TMIGD3: variants seen among roughly 807,000 people sequenced by gnomAD.
TMIGD3 encodes AD026 protein (AD026).
A neutral mutation model predicts 28.1 loss-of-function variants in TMIGD3; 21 were observed. The observed-to-expected ratio is 0.75, with a 90% confidence interval of 0.53 to 1.08. The LOEUF is 1.08. Among genes scored for constraint, TMIGD3 ranks in the 50% least tolerant of loss-of-function variants. The pLI is 0.00. For synonymous variants in TMIGD3, 151 were observed against 162.1 expected, an observed-to-expected ratio of 0.93 and a Z score of 0.52; for missense variants, 416 against 435.6, an observed-to-expected ratio of 0.96 and a Z score of 0.40.
intron 5 of TMIGD3, 27 bp downstream of exon 5, chr1:111,485,713 C>G: frequency 9.4e-7 from 1 of 1,060,300 alleles, no homozygotes; most frequent in Non-Finnish European, 1.4e-6. Flanking sequence ...TTCTTGCCCA[C>G]CCCCTCCCTC....
At chr1:111,549,384 C>T (rs568187260) in intron 1 of TMIGD3, among the ~76,000 whole-genome samples, 14 of 148,776 alleles carry the variant, frequency 9.4e-5, no homozygotes, top group Admixed American at 2.0e-4. Context: ...CACGGTGGCT[C>T]ACGCTTGTAA....
upstream of TMIGD3, among the ~76,000 whole-genome samples, chr1:111,506,450 T>A (rs2100989250): frequency 6.6e-6 from 1 of 152,284 alleles, no homozygotes; most frequent in South Asian, 2.1e-4. Flanking sequence ...ATACTACCAT[T>A]ATGCTGAGCA....
Position 111,488,978 on chromosome 1 carries a change from G to T in TMIGD3, c.504C>A (p.Asp168Glu), listed in dbSNP as rs1383425339. The change falls in exon 3 of 6, where the codon GAC becomes GAA. Residue 168 changes from aspartate to glutamate, a missense_variant. Asp to Glu is a conservative substitution (Grantham distance 45). Transcript: ENST00000369716. ...DEKVKRSFVL[D>E]TASAICNYNA... ...TGTAGTTGCAGATGGCAGAAGCCGT[G>T]TCCAGCACAAAGCTTCTCTTGACCT... 1.9e-6 allele frequency: 3 copies of T among 1,614,132 alleles called. No homozygotes were observed. Among genetic ancestry groups the T allele is most frequent in the Non-Finnish European group, 2.5e-6 (3 of 1,179,996 alleles).
At chr1:111,514,218 CA>C (rs1447022757) in intron 1 of TMIGD3, among the ~76,000 whole-genome samples, 34 of 152,066 alleles carry the variant, frequency 2.2e-4, no homozygotes, top group African/African-American at 7.5e-4. Flanking sequence ...GAGATGATGA[CA>C]AAGGCCCAAA....
At chr1:111,495,397 T>C (rs1266126263) in intron 1 of TMIGD3, among the ~76,000 whole-genome samples, 1 of 151,926 alleles carries the variant, frequency 6.6e-6, no homozygotes, top group Non-Finnish European at 1.5e-5. Context: ...GAAATGCAAA[T>C]CAAAATCAAA....
rs1557824565 is a variant in TMIGD3, at chr1:111,502,395, TAC to T, written c.350+608_350+609del. Among the ~76,000 whole-genome samples the T allele has an allele frequency of 2.5e-3, 331 of 133,672 alleles. 9 individuals are homozygous for T. The highest frequency in any genetic ancestry group is 4.0e-3 in the East Asian group (19 of 4,722). 87.7% of individuals were successfully genotyped at this position (133,672 alleles called of 152,430 possible). A position where few individuals can be genotyped will look rare whatever the true frequency, so the allele number is the denominator to read the frequency against. Reference sequence around the variant, plus strand: ...TTTATTATAATGAATATATATAGGATACATATATTTATTATAGTGAATATATA... The same window carrying T: ...TTTATTATAATGAATATATATAGGATATATATTTATTATAGTGAATATATA... On this transcript the variant is annotated intron_variant, in intron 1 of 5. Transcript: ENST00000369716.
At chr1:111,499,913 T>C (rs1339127016) in intron 1 of TMIGD3, 1 of 1,600,762 alleles carries the variant, frequency 6.2e-7, no homozygotes, top group Admixed American at 1.7e-5. Flanking sequence ...ATGGGGAATC[T>C]GAAGGTCAAT....
At chr1:111,517,345 A>G (rs1427784759) in intron 1 of TMIGD3, among the ~76,000 whole-genome samples, 4 of 152,120 alleles carry the variant, frequency 2.6e-5, no homozygotes, top group African/African-American at 9.7e-5. Context: ...GAAAAAAAAA[A>G]AAAGCGAGGA....
intron 1 of TMIGD3, among the ~76,000 whole-genome samples, chr1:111,547,233 C>A (rs966836986): frequency 4.0e-5 from 6 of 151,888 alleles, no homozygotes; most frequent in Non-Finnish European, 8.8e-5. Context: ...GTGGGTTTTT[C>A]AAAGATGACC....
intron 1 of TMIGD3, among the ~76,000 whole-genome samples, chr1:111,525,662 A>G (rs752237046): frequency 4.6e-5 from 7 of 152,188 alleles, no homozygotes; most frequent in Non-Finnish European, 1.0e-4. Context: ...CAGGAGTTTG[A>G]GACCAGCCTG....
chr1:111,529,609 G>A (rs1431847416), intron 1 of TMIGD3, among the ~76,000 whole-genome samples: 6 of 149,974 alleles, frequency 4.0e-5, no homozygotes, highest in Non-Finnish European at 8.9e-5. Context: ...GTTTAACAAA[G>A]CACATCTTGC....
intron 1 of TMIGD3, among the ~76,000 whole-genome samples, chr1:111,539,378 A>G (rs1656742934): frequency 6.6e-6 from 1 of 151,908 alleles, no homozygotes; most frequent in East Asian, 1.9e-4. Context: ...GCTCACTGCA[A>G]CCTCCATCTC....
At chr1:111,543,060 A>T (rs1480065345) in intron 1 of TMIGD3, among the ~76,000 whole-genome samples, 1 of 152,196 alleles carries the variant, frequency 6.6e-6, no homozygotes, top group Non-Finnish European at 1.5e-5. Flanking sequence ...AGATTCTCCC[A>T]GTGGGTTATA....
rs1656770686 is a variant in TMIGD3, at chr1:111,540,173, C to A, written c.107+23673G>T. ...TTGGTTAAAATGGCTATTTCCCAGA[C>A]TGCTCTTCCTCATATGTTTCTGGCT... On this transcript the variant is annotated intron_variant, in intron 1 of 5. Transcript: ENST00000369717. Among the ~76,000 whole-genome samples the A allele has an allele frequency of 2.6e-5, 4 of 152,232 alleles. No individual in the cohort carries two copies. The South Asian group carries it at 8.3e-4, about 32-fold the overall frequency.
intron 1 of TMIGD3, among the ~76,000 whole-genome samples, chr1:111,539,768 G>A (rs987923618): frequency 6.6e-6 from 1 of 152,180 alleles, no homozygotes; most frequent in Non-Finnish European, 1.5e-5. Flanking sequence ...GTTTGAGGCA[G>A]CTTATTCCAG....
At chr1:111,549,686 T>C (rs1307706600) in intron 1 of TMIGD3, among the ~76,000 whole-genome samples, 1 of 150,978 alleles carries the variant, frequency 6.6e-6, no homozygotes, top group Non-Finnish European at 1.5e-5. Flanking sequence ...TCTCTCTCTG[T>C]CACCCAGGCT....
chr1:111,502,146 AAT>A (rs1655231682), intron 1 of TMIGD3, among the ~76,000 whole-genome samples: 1 of 35,336 alleles, frequency 2.8e-5, no homozygotes, highest in African/African-American at 6.6e-5. Flanking sequence ...TAATATAATA[AAT>A]ATATAGGATA....
chr1:111,545,213 T>C (rs1656991022), intron 1 of TMIGD3, among the ~76,000 whole-genome samples: 1 of 152,148 alleles, frequency 6.6e-6, no homozygotes, highest in African/African-American at 2.4e-5. Flanking sequence ...CTGTTTTCCA[T>C]AGCAGCTGCA....
chr1:111,529,046 AAC>A (rs1224898141), intron 1 of TMIGD3, among the ~76,000 whole-genome samples: 1 of 151,994 alleles, frequency 6.6e-6, no homozygotes, highest in African/African-American at 2.4e-5. Flanking sequence ...AATAATGAAA[AAC>A]AGTGGTGATA....
Sources: gnomAD v4.1 joint callset for allele counts (sites outside exome capture counted in the v4.1 genomes callset) on GRCh38, gnomAD v4.1.1 for gene constraint, MANE v1.5 for transcripts, NCBI Gene and HGNC (gene_info 2026-07-23, HGNC 2026-07-21) for gene names.